Variants in ANKMY1 observed in about 807,000 individuals in gnomAD.
ANKMY1 encodes the protein ankyrin repeat and MYND domain containing 1, also known as ankyrin repeat and MYND domain-containing protein 1.
ANKMY1 carries 98 observed loss-of-function variants against 102.0 expected under a neutral mutation model. The ratio of observed to expected loss-of-function variants is 0.96; its 90% confidence interval spans 0.82 to 1.14. The LOEUF (loss-of-function observed/expected upper bound fraction) is 1.14, where lower values mean the gene tolerates loss of function less well. Ranked by LOEUF, ANKMY1 falls within the 50% of genes most tolerant of loss-of-function variation. The pLI is 0.00. For missense variants in ANKMY1, 1,330 were observed against 1,347.6 expected (o/e 0.99, Z 0.20); for synonymous variants, 582 against 559.9 (o/e 1.04, Z -0.56).
chr2:240,473,955 C>G, the ANKMY1 span, among the ~76,000 whole-genome samples: 1 of 152,166 alleles, frequency 6.6e-6, no homozygotes, highest in Non-Finnish European at 1.5e-5. Flanking sequence ...AGATCACGAA[C>G]AAGACAAGGG....
At chr2:240,558,008 T>C (rs934797692), upstream of ANKMY1, 16 of 981,852 alleles carry the variant, frequency 1.6e-5, no homozygotes, top group African/African-American at 2.6e-4. Context: ...CGCGTTTCCC[T>C]GGAGACAGCC....
upstream of ANKMY1, chr2:240,560,954 G>A: frequency 1.3e-6 from 2 of 1,523,926 alleles, no homozygotes; most frequent in Admixed American, 2.1e-5. Context: ...CCGCCATGGA[G>A]GCCGCGGTGC....
rs759819700 is a variant in ANKMY1, at chr2:240,524,308, T to C, written c.1409A>G (p.Tyr470Cys). ...ACCCTGGGAAGGCACGTTCACCTCA[T>C]AGTACAGAGACTCCAGGTTTGTGTC... ...FMDTNLESLYYEVNVPSQGSY... is the reference protein window; with the variant it reads ...FMDTNLESLYCEVNVPSQGSY... Residue 470 changes from tyrosine to cysteine, a missense_variant, in exon 8 of 18, where the codon TAT becomes TGT. By Grantham distance (194) the Tyr-to-Cys change is radical (BLOSUM62 -2). Coordinates refer to ENST00000401804, the MANE Select transcript of ANKMY1 (RefSeq NM_001282771.3). 7 of 1,613,632 alleles carry C rather than the reference T, an allele frequency of 4.3e-6. No individual in the cohort carries two copies. The highest frequency in any genetic ancestry group is 3.3e-5 in the Admixed American group (2 of 60,004).
In ANKMY1 at chr2:240,483,158, A is replaced by C. The variant is rs569243825; in HGVS notation, c.2807-897T>G. ...TTTACTTTGTCTGTTTGTATCATCG[A>C]ATTTTTTTTTTTCTTTTTGAGACAG... is the stretch of plus-strand genomic sequence containing the variant. On this transcript the variant is annotated intron_variant, in intron 15 of 17. Coordinates refer to ENST00000401804, the MANE Select transcript of ANKMY1 (RefSeq NM_001282771.3). Among the ~76,000 whole-genome samples, 3 of 151,270 alleles carry C rather than the reference A, an allele frequency of 2.0e-5. No individual in the cohort carries two copies. In the South Asian group the frequency reaches 6.3e-4, roughly 32 times the overall value.
intron 11 of ANKMY1, 132 bp from the exon 12 acceptor site, chr2:240,509,587 C>T: frequency 1.5e-6 from 1 of 654,524 alleles, no homozygotes; most frequent in East Asian, 2.9e-5. Context: ...CATTACCTTG[C>T]CTGACACAAG....
chr2:240,480,378 C>T (rs756081510), intron 17 of ANKMY1, among the ~76,000 whole-genome samples: 1 of 152,232 alleles, frequency 6.6e-6, no homozygotes, highest in Non-Finnish European at 1.5e-5. Flanking sequence ...CTCGGCAATG[C>T]CCGCCACCCT....
chr2:240,503,129 C>T (rs1466261701), intron 13 of ANKMY1, among the ~76,000 whole-genome samples: 2 of 152,216 alleles, frequency 1.3e-5, no homozygotes, highest in African/African-American at 4.8e-5. Context: ...AGGCTGGGAC[C>T]TTTCCGGTAA....
At chr2:240,521,993 G>A (rs947923681) in intron 8 of ANKMY1, 2 of 152,254 alleles carry the variant, frequency 1.3e-5, no homozygotes, top group African/African-American at 4.8e-5. Flanking sequence ...CCACAGCACA[G>A]AAAGGAAACT....
At chr2:240,543,301 C>T (rs936518493) in intron 4 of ANKMY1, among the ~76,000 whole-genome samples, 10 of 150,436 alleles carry the variant, frequency 6.6e-5, no homozygotes, top group Admixed American at 4.6e-4. Context: ...TGCAGTGAGC[C>T]GAGACCGTAC....
At chr2:240,554,645 G>A in intron 3 of ANKMY1, 1 of 542,002 alleles carries the variant, frequency 1.8e-6, no homozygotes, top group South Asian at 3.1e-5. Context: ...TTAAGTCACA[G>A]CTTCCCAAAC....
chr2:240,503,440 C>T (rs2078551760), intron 13 of ANKMY1, among the ~76,000 whole-genome samples: 2 of 152,222 alleles, frequency 1.3e-5, no homozygotes, highest in South Asian at 2.1e-4. Context: ...CTTCCTTGGC[C>T]GTTCAAAGAC....
chr2:240,515,884 A>ATT (rs60607842), intron 9 of ANKMY1, among the ~76,000 whole-genome samples: 49 of 145,662 alleles, frequency 3.4e-4, no homozygotes, highest in Non-Finnish European at 4.8e-4. Flanking sequence ...TGCCCGGCTA[A>ATT]TTTTTTTTTT....
chr2:240,474,683 T>C (rs2074741173), downstream of ANKMY1, among the ~76,000 whole-genome samples: 1 of 152,262 alleles, frequency 6.6e-6, no homozygotes, highest in South Asian at 2.1e-4. Flanking sequence ...TTTAGTTTTC[T>C]GTTCCTGCGT....
intron 6 of ANKMY1, 73 bp downstream of exon 6, chr2:240,526,156 A>G: frequency 6.4e-7 from 1 of 1,561,744 alleles, no homozygotes; most frequent in South Asian, 1.1e-5. Context: ...AGGGGGCCAC[A>G]GAGGGCCACC....
intron 3 of ANKMY1, chr2:240,553,329 G>C: frequency 2.2e-6 from 1 of 453,364 alleles, no homozygotes; most frequent in Non-Finnish European, 4.1e-6. Flanking sequence ...GACATCCTGA[G>C]TCAGGAGAGC....
chr2:240,487,242 T>C (rs1366166718), intron 15 of ANKMY1, among the ~76,000 whole-genome samples: 1 of 152,246 alleles, frequency 6.6e-6, no homozygotes, highest in African/African-American at 2.4e-5. Context: ...TTTGTCTTTT[T>C]GTGCCCGGCT....
At position 240,520,635 on chromosome 2, in the gene ANKMY1, GA is replaced by G; in HGVS notation, c.1833-103del. The G allele has an allele frequency of 7.2e-7, 1 of 1,390,792 alleles. No homozygotes were observed. The highest frequency in any genetic ancestry group is 9.6e-7 in the Non-Finnish European group (1 of 1,044,512). 86.2% of individuals were successfully genotyped at this position (1,390,792 alleles called of 1,614,324 possible). On this transcript the variant is annotated intron_variant, in intron 8 of 17. Transcript: ENST00000401804. This position sits in a 1 kb window ranked among gnomAD's most constrained non-coding sequence, Gnocchi z 4.8. The stretch of plus-strand genomic sequence containing the variant: ...AGGAGGCTGGGGAGGGGCGCGTAGG[GA>G]GTATGTGTGTGCCGCAACTACACAA...
chr2:240,488,971 C>A (rs539588241), intron 15 of ANKMY1, among the ~76,000 whole-genome samples: 22 of 152,200 alleles, frequency 1.4e-4, no homozygotes, highest in Non-Finnish European at 2.4e-4. Flanking sequence ...CTTTCCCTTG[C>A]CTGATTCCTC....
chr2:240,499,482 A>C lies in ANKMY1; in HGVS notation c.2806+476T>G, dbSNP rs1273973027. Among the ~76,000 whole-genome samples, 3 of 151,364 alleles carry C rather than the reference A, an allele frequency of 2.0e-5. No individual in the cohort carries two copies. The highest frequency in any genetic ancestry group is 2.9e-5 in the Non-Finnish European group (2 of 67,830). Reference sequence around the variant, plus strand: ...GGGTTGAGTACGTGGGTGTGGGTACATGGGGGAGTAGATGTCAGTAGGTAC... The same window carrying C: ...GGGTTGAGTACGTGGGTGTGGGTACCTGGGGGAGTAGATGTCAGTAGGTAC... On this transcript the variant is annotated intron_variant, in intron 15 of 17. Coordinates refer to ENST00000401804, the MANE Select transcript of ANKMY1 (RefSeq NM_001282771.3). The surrounding 1 kb of genome is among the most constrained non-coding windows in gnomAD (Gnocchi z 4.2).
Sources: gnomAD v4.1 joint callset for allele counts (sites outside exome capture counted in the v4.1 genomes callset) on GRCh38, gnomAD v4.1.1 for gene constraint, Gnocchi (gnomAD v3.1) non-coding constraint, MANE v1.5 for transcripts, NCBI Gene and HGNC (gene_info 2026-07-23, HGNC 2026-07-21) for gene names.